DMD: variants seen among roughly 807,000 people sequenced by gnomAD.
DMD encodes the protein dystrophin.
A neutral mutation model predicts 330.1 loss-of-function variants in DMD; 63 were observed. That is an observed-to-expected ratio of 0.19 (90% CI 0.16 to 0.24). The LOEUF (loss-of-function observed/expected upper bound fraction) is 0.24, where lower values mean the gene tolerates loss of function less well. DMD is among the 10% of genes least tolerant of loss of function. The probability of loss-of-function intolerance (pLI) is 1.00; values close to 1 mark genes in which losing one functional copy is unlikely to be tolerated. For missense variants in DMD, 3,344 were observed against 2,684.1 expected (o/e 1.25, Z -5.43); for synonymous variants, 1,223 against 959.8 (o/e 1.27, Z -5.07).
chrX:31,657,907 A>T, intron 54 of DMD, 83 bp downstream of exon 54: 9 of 1,064,770 alleles, frequency 8.5e-6, no homozygotes, highest in Non-Finnish European at 1.2e-5. Flanking sequence ...GCTGGATTGG[A>T]AAAACAAATC....
At chrX:33,131,059 C>T (rs1173373061) in intron 1 of DMD, among the ~76,000 whole-genome samples, 1 of 111,307 alleles carries the variant, frequency 9.0e-6, no homozygotes, top group Non-Finnish European at 1.9e-5. Context: ...ACCTGACTCC[C>T]TAAACAAGTG....
At chrX:33,077,582 A>C (rs1489650303) in intron 1 of DMD, among the ~76,000 whole-genome samples, 4 of 111,663 alleles carry the variant, frequency 3.6e-5, no homozygotes, top group Non-Finnish European at 7.5e-5. Flanking sequence ...CAACTGTTTG[A>C]GTGGATTCAT....
At chrX:32,324,797 A>G (rs1056694707) in intron 41 of DMD, among the ~76,000 whole-genome samples, 5 of 112,257 alleles carry the variant, frequency 4.5e-5, no homozygotes, top group Non-Finnish European at 5.6e-5. Flanking sequence ...CCGACAAGCT[A>G]AATTTAATCC....
intron 29 of DMD, chrX:32,412,204 A>G (rs1251170494): frequency 3.8e-6 from 4 of 1,060,782 alleles, no homozygotes; most frequent in Non-Finnish European, 5.0e-6. Flanking sequence ...AAATCATCTC[A>G]GTCATTGCAA....
At chrX:33,132,450 G>GA (rs758241448) in intron 1 of DMD, among the ~76,000 whole-genome samples, 3 of 111,273 alleles carry the variant, frequency 2.7e-5, no homozygotes, top group Non-Finnish European at 3.8e-5. Flanking sequence ...GAGTCATACT[G>GA]AAAAAAAAGC....
At chrX:32,148,836 A>G (rs781555581) in intron 44 of DMD, among the ~76,000 whole-genome samples, 2 of 111,636 alleles carry the variant, frequency 1.8e-5, no homozygotes, top group South Asian at 3.7e-4. Flanking sequence ...TCAGAAGTTA[A>G]TAACTTTTCT....
At chrX:32,456,666 A>C (rs1388045639) in intron 25 of DMD, among the ~76,000 whole-genome samples, 8 of 105,519 alleles carry the variant, frequency 7.6e-5, no homozygotes, top group Non-Finnish European at 1.4e-4. Context: ...ATATTGTTGG[A>C]TCCTGGAAAT....
intron 78 of DMD, 130 bp downstream of exon 78, chrX:31,126,512 T>A (rs2033674326): frequency 7.0e-6 from 4 of 575,481 alleles, no homozygotes; most frequent in Non-Finnish European, 1.2e-5. Context: ...GTGACTACCA[T>A]CCTTACATGA....
intron 48 of DMD, among the ~76,000 whole-genome samples, chrX:31,846,705 T>C (rs2093432876): frequency 9.0e-6 from 1 of 111,421 alleles, no homozygotes. Flanking sequence ...GTGTTTCTTG[T>C]GTGCAGCCAA....
At chrX:31,865,707 C>G (rs1479981391) in intron 48 of DMD, among the ~76,000 whole-genome samples, 6 of 57,961 alleles carry the variant, frequency 1.0e-4, no homozygotes, top group Admixed American at 8.9e-4. Context: ...TCTCAGTAAT[C>G]TGAGTATATT....
intron 49 of DMD, among the ~76,000 whole-genome samples, chrX:31,836,429 A>G (rs1187517570): frequency 8.9e-6 from 1 of 112,280 alleles, no homozygotes; most frequent in Non-Finnish European, 1.9e-5. Context: ...TAAAGCCCCA[A>G]AGAATTTAAT....
intron 7 of DMD, among the ~76,000 whole-genome samples, chrX:32,729,544 A>G (rs1333120725): frequency 9.0e-6 from 1 of 111,406 alleles, no homozygotes; most frequent in African/African-American, 3.3e-5. Flanking sequence ...ATATGCTTCA[A>G]TGTCTTATCT....
intron 60 of DMD, among the ~76,000 whole-genome samples, chrX:31,390,736 C>G (rs932612292): frequency 4.5e-5 from 5 of 112,001 alleles, no homozygotes; most frequent in African/African-American, 1.6e-4. Context: ...CTGCAAATGC[C>G]TCTTACCTGG....
At chrX:31,429,404 G>T (rs1221799952) in intron 60 of DMD, among the ~76,000 whole-genome samples, 1 of 111,406 alleles carries the variant, frequency 9.0e-6, no homozygotes, top group East Asian at 2.8e-4. Flanking sequence ...TTTTTCACTT[G>T]TACATCTGGC....
chrX:31,908,151 G>C (rs1401540885), intron 47 of DMD, among the ~76,000 whole-genome samples: 1 of 112,278 alleles, frequency 8.9e-6, no homozygotes, highest in Non-Finnish European at 1.9e-5. Flanking sequence ...GTGGAAGACA[G>C]TGTGGCGATT....
At chrX:32,782,460 G>A (rs2074869441) in intron 7 of DMD, among the ~76,000 whole-genome samples, 2 of 111,622 alleles carry the variant, frequency 1.8e-5, no homozygotes, top group Non-Finnish European at 3.8e-5. Context: ...AAGTGCTAAG[G>A]CCTTAAACTA....
chrX:31,578,999 A>G (rs898308478), intron 55 of DMD, among the ~76,000 whole-genome samples: 1 of 111,971 alleles, frequency 8.9e-6, no homozygotes, highest in East Asian at 2.8e-4. Flanking sequence ...GGTACTTCAG[A>G]TATCGATCCC....
intron 3 of DMD, among the ~76,000 whole-genome samples, chrX:32,848,373 A>T (rs1179785618): frequency 2.7e-4 from 30 of 112,092 alleles, no homozygotes; most frequent in Non-Finnish European, 5.3e-4. Flanking sequence ...TAGGAGATGA[A>T]TTACACACAA....
intron 17 of DMD, among the ~76,000 whole-genome samples, chrX:32,535,984 T>G (rs2047919615): frequency 9.0e-6 from 1 of 111,437 alleles, no homozygotes; most frequent in Non-Finnish European, 1.9e-5. Flanking sequence ...GGCTGAGAAG[T>G]GGCCTGGCAC....
Sources: gnomAD v4.1 joint callset for allele counts (sites outside exome capture counted in the v4.1 genomes callset) on GRCh38, gnomAD v4.1.1 for gene constraint, MANE v1.5 for transcripts, NCBI Gene and HGNC (gene_info 2026-07-23, HGNC 2026-07-21) for gene names.